Variants in TRPC4AP observed in about 807,000 individuals in gnomAD.
TRPC4AP encodes the protein transient receptor potential cation channel subfamily C member 4 associated protein, also known as short transient receptor potential channel 4-associated protein.
In TRPC4AP, 45 loss-of-function variants were observed where a neutral mutation model predicts 99.0. The ratio of observed to expected loss-of-function variants is 0.45; its 90% CI spans 0.36 to 0.58. The LOEUF (loss-of-function observed/expected upper bound fraction) is 0.58. Ranked by LOEUF, TRPC4AP falls within the 20% of genes least tolerant of loss-of-function variation. TRPC4AP has a pLI of 0.00. For synonymous variants in TRPC4AP, 408 were observed against 385.8 expected, an observed-to-expected ratio of 1.06 and a Z score of -0.67; for missense variants, 879 against 985.3, an observed-to-expected ratio of 0.89 and a Z score of 1.44.
intron 5 of TRPC4AP, among the ~76,000 whole-genome samples, chr20:35,053,807 T>C (rs1686603544): frequency 6.6e-6 from 1 of 152,246 alleles, no homozygotes; most frequent in Admixed American, 6.5e-5. Context: ...ATCATTAAAA[T>C]TAACTTCACC....
At chr20:35,009,627 A>G (rs1375092721) in intron 12 of TRPC4AP, among the ~76,000 whole-genome samples, 5 of 152,346 alleles carry the variant, frequency 3.3e-5, no homozygotes, top group African/African-American at 4.8e-5. Flanking sequence ...TGAGAGAAAG[A>G]GCAAGACCTT....
intron 18 of TRPC4AP, 24 bp from the exon 19 acceptor site, chr20:35,003,307 G>A (rs766941277): frequency 5.3e-5 from 86 of 1,613,780 alleles, no homozygotes; most frequent in Non-Finnish European, 6.5e-5. Context: ...GAGGGGCTGG[G>A]GGGCGCCTGG....
chr20:35,085,225 C>T (rs997388258), intron 1 of TRPC4AP, among the ~76,000 whole-genome samples: 1 of 152,158 alleles, frequency 6.6e-6, no homozygotes, highest in African/African-American at 2.4e-5. Flanking sequence ...CTCCATGATA[C>T]GCAGAGATCT....
chr20:35,092,305 C>T (rs1387721013), intron 1 of TRPC4AP, among the ~76,000 whole-genome samples: 1 of 152,200 alleles, frequency 6.6e-6, no homozygotes, highest in Non-Finnish European at 1.5e-5. Context: ...ACAAACACGA[C>T]AGGGTCCCCC....
At chr20:35,053,884 T>G (rs1367459019) in intron 5 of TRPC4AP, among the ~76,000 whole-genome samples, 1 of 152,228 alleles carries the variant, frequency 6.6e-6, no homozygotes, top group Non-Finnish European at 1.5e-5. Flanking sequence ...CCAAGTGGCT[T>G]GCATTATATT....
chr20:35,070,853 T>C lies in TRPC4AP; in HGVS notation c.298-1441A>G, dbSNP rs569318498. Among the ~76,000 whole-genome samples the C allele has an allele frequency of 7.0e-4, 106 of 152,220 alleles. 1 individual carries two copies. Among genetic ancestry groups the C allele is most frequent in the African/African-American group, 2.4e-3 (101 of 41,518 alleles). Reference sequence around the variant, plus strand: ...TGACGGCCACAGAATCCTTTGTTCATATGGAACAAAGCTAAGAGGAAAAAA... The same window carrying C: ...TGACGGCCACAGAATCCTTTGTTCACATGGAACAAAGCTAAGAGGAAAAAA... On this transcript the variant is annotated intron_variant, in intron 2 of 18. Transcript: ENST00000252015.
chr20:35,073,819 G>A (rs1306709322), intron 2 of TRPC4AP, among the ~76,000 whole-genome samples: 1 of 152,140 alleles, frequency 6.6e-6, no homozygotes, highest in East Asian at 1.9e-4. Flanking sequence ...TTTTTCTATT[G>A]ATTGGAATAG....
At chr20:35,057,401 G>T in intron 4 of TRPC4AP, 113 bp downstream of exon 4, 2 of 836,852 alleles carry the variant, frequency 2.4e-6, no homozygotes, top group Non-Finnish European at 3.9e-6. Flanking sequence ...CTAAATGTAA[G>T]ACATGTCCTT....
chr20:35,028,384 G>A (rs1387948598), intron 8 of TRPC4AP, among the ~76,000 whole-genome samples: 4 of 151,854 alleles, frequency 2.6e-5, no homozygotes, highest in Admixed American at 6.6e-5. Context: ...GAGCCACCGC[G>A]CCCGGCCTCA....
Position 35,048,210 on chromosome 20 carries a change from CTGT to C in TRPC4AP, c.657+1653_657+1655del, listed in dbSNP as rs1569119716. Among the ~76,000 whole-genome samples, 16 of 91,412 alleles carry C rather than the reference CTGT, an allele frequency of 1.8e-4. 4 individuals are homozygous for C. The highest frequency in any genetic ancestry group is 2.0e-4 in the African/African-American group (5 of 25,534). The allele number at this position is 91,412 out of a possible 152,430, so 60.0% of individuals were successfully genotyped here. ...TTTTTCATGCTGATTTGTAAGAATT[CTGT>C]TTTTTTTTTTTTTTTTGAGAGGGAG... On this transcript the variant is annotated intron_variant, in intron 6 of 18. Transcript: ENST00000252015.
rs998516504 is a variant in TRPC4AP, at chr20:35,054,994, C to G, written c.510G>C (p.Leu170=). 1.9e-6 allele frequency: 3 copies of G among 1,613,650 alleles called. No individual in the cohort carries two copies. Among genetic ancestry groups the G allele is most frequent in the Non-Finnish European group, 2.5e-6 (3 of 1,179,816 alleles). The change falls in exon 5 of 19, where the codon CTG becomes CTC. Residue 170 remains leucine, a synonymous_variant. Transcript: ENST00000252015. The part of the protein sequence containing the change: ...DEMSKDCLSI[L]YNTCVCTEGV... ...TACTTACACAGACACAGGTATTATA[C>G]AGGATACTCAAGCAGTCCTTGGACA... is the stretch of plus-strand genomic sequence containing the variant.
chr20:35,043,403 C>T (rs1385234244), intron 7 of TRPC4AP, among the ~76,000 whole-genome samples: 1 of 152,118 alleles, frequency 6.6e-6, no homozygotes, highest in Admixed American at 6.6e-5. Flanking sequence ...TGCACCACCA[C>T]ACCCAGCTAA....
intron 6 of TRPC4AP, among the ~76,000 whole-genome samples, chr20:35,045,569 C>G (rs1355517473): frequency 6.6e-6 from 1 of 151,888 alleles, no homozygotes; most frequent in African/African-American, 2.4e-5. Context: ...GAGATGGTAT[C>G]TCATTGTCGC....
chr20:35,090,180 T>TA (rs11167256), intron 1 of TRPC4AP, among the ~76,000 whole-genome samples: 2,790 of 140,742 alleles, frequency 0.02, 74 homozygotes, highest in African/African-American at 0.063. Flanking sequence ...TGGAATAAAT[T>TA]AAAAAAAAAA....
chr20:35,012,951 C>G, intron 11 of TRPC4AP, 57 bp downstream of exon 11: 2 of 1,574,364 alleles, frequency 1.3e-6, no homozygotes, highest in African/African-American at 2.7e-5. Flanking sequence ...ACAAGGAGAT[C>G]GAGGCCTTCC....
intron 3 of TRPC4AP, among the ~76,000 whole-genome samples, chr20:35,065,810 G>A (rs1183132470): frequency 1.3e-5 from 2 of 152,094 alleles, no homozygotes; most frequent in Non-Finnish European, 2.9e-5. Flanking sequence ...ATAGACACAG[G>A]CTACAGACCT....
intron 2 of TRPC4AP, among the ~76,000 whole-genome samples, chr20:35,071,059 T>C (rs1425844147): frequency 6.6e-6 from 1 of 152,218 alleles, no homozygotes; most frequent in Non-Finnish European, 1.5e-5. Context: ...AAAGCATTTT[T>C]AAACAAGTTT....
At chr20:35,005,984 C>A (rs2082508620) in intron 15 of TRPC4AP, among the ~76,000 whole-genome samples, 181 bp from the exon 16 acceptor site, 1 of 152,204 alleles carries the variant, frequency 6.6e-6, no homozygotes, top group African/African-American at 2.4e-5. Context: ...CTAAGAGGCA[C>A]TCCCCGGAAT....
At chr20:35,077,972 G>GAAA in intron 2 of TRPC4AP, 74 bp downstream of exon 2, 3 of 1,307,806 alleles carry the variant, frequency 2.3e-6, no homozygotes, top group Non-Finnish European at 1.0e-6. Context: ...CAACGGAAGG[G>GAAA]AAAAAAAAAA....
Sources: allele counts gnomAD v4.1 joint callset (sites outside exome capture counted in the v4.1 genomes callset), GRCh38; gene constraint gnomAD v4.1.1; transcripts MANE v1.5; gene names NCBI Gene and HGNC (gene_info 2026-07-23, HGNC 2026-07-21).